Variants in SREBF2 observed in about 807,000 individuals in gnomAD.
SREBF2 encodes sterol regulatory element binding transcription factor 2, also known as sterol regulatory element-binding protein 2.
SREBF2 carries 55 observed loss-of-function variants against 113.1 expected under a neutral mutation model. The ratio of observed to expected loss-of-function variants is 0.49; its 90% CI spans 0.39 to 0.61. SREBF2 has a LOEUF of 0.61. SREBF2 is among the 20% of genes least tolerant of loss of function. SREBF2 has a pLI of 0.00. For synonymous variants in SREBF2, 593 were observed against 605.7 expected, an observed-to-expected ratio of 0.98 and a Z score of 0.31; for missense variants, 1,349 against 1,487.4, an observed-to-expected ratio of 0.91 and a Z score of 1.53.
In SREBF2 at chr22:41,905,505, C is replaced by T. The variant is rs376472964; in HGVS notation, c.3271C>T (p.Leu1091=). The change falls in exon 19 of 19, where the codon CTG becomes TTG. Residue 1091 remains leucine (L), a synonymous_variant. Coordinates refer to ENST00000361204, the MANE Select transcript of SREBF2 (RefSeq NM_004599.4). ...ATAILLACRH[L]PLSFLSSPGQ... ...CGCCATCCTGCTGGCCTGCCGCCAC[C>T]TGCCCCTCTCCTTCCTCTCCTCCCC... is the stretch of plus-strand genomic sequence containing the variant. 1 of 1,581,748 alleles carries T rather than the reference C, an allele frequency of 6.3e-7. No homozygotes were observed.
At chr22:41,877,543 A>C (rs2077207984) in intron 8 of SREBF2, 122 bp downstream of exon 8, 4 of 1,164,848 alleles carry the variant, frequency 3.4e-6, no homozygotes, top group Middle Eastern at 2.7e-4. Context: ...GTGGGCCCCC[A>C]CCTGCTTGCT....
rs145106629 is a variant in SREBF2, at chr22:41,865,482, G to A, written c.89-1349G>A. The stretch of plus-strand genomic sequence containing the variant: ...CAGTCATATGAAAAAGAAGGGAGTC[G>A]TGAGAGATGATGGGGTAGTTGTGGG... On this transcript the variant is annotated intron_variant, in intron 1 of 18. Transcript: ENST00000361204. Among the ~76,000 whole-genome samples the A allele has an allele frequency of 1.3e-3, 191 of 152,304 alleles. 1 individual carries two copies. Among genetic ancestry groups the A allele is most frequent in the African/African-American group, 4.4e-3 (183 of 41,560 alleles).
At chr22:41,875,285 A>C in intron 5 of SREBF2, 52 bp from the exon 6 acceptor site, 9 of 1,509,888 alleles carry the variant, frequency 6.0e-6, no homozygotes, top group Non-Finnish European at 8.3e-6. Context: ...TGCTCTTTTC[A>C]CACTGTAGCC....
rs533713575 is a variant in SREBF2, at chr22:41,854,408, C to G, written c.89-12423C>G. Among the ~76,000 whole-genome samples the G allele has an allele frequency of 5.0e-4, 76 of 151,432 alleles. 1 individual carries two copies. The highest frequency in any genetic ancestry group is 6.9e-3 in the Middle Eastern group (2 of 290). ...AACTCCTGACCTCAGGTGATCCACC[C>G]GCCTCGGCCTCCCAAAGTGCTGAGA... On this transcript the variant is annotated intron_variant, in intron 1 of 18. Transcript: ENST00000361204.
At chr22:41,848,330 G>A (rs184357092) in intron 1 of SREBF2, among the ~76,000 whole-genome samples, 48 of 152,016 alleles carry the variant, frequency 3.2e-4, no homozygotes, top group African/African-American at 1.0e-3. Context: ...CTCATGATCC[G>A]CCCACCGTGG....
intron 16 of SREBF2, among the ~76,000 whole-genome samples, chr22:41,901,239 C>A (rs1299372671): frequency 6.6e-6 from 1 of 152,166 alleles, no homozygotes; most frequent in African/African-American, 2.4e-5. Flanking sequence ...AGATTCTCAG[C>A]CACTCCCTGG....
At chr22:41,857,627 A>G (rs2076989684) in intron 1 of SREBF2, among the ~76,000 whole-genome samples, 1 of 152,214 alleles carries the variant, frequency 6.6e-6, no homozygotes, top group Non-Finnish European at 1.5e-5. Context: ...CTTTGCCAGT[A>G]AAAGAGTTCA....
intron 1 of SREBF2, among the ~76,000 whole-genome samples, chr22:41,853,118 C>A (rs1280883159): frequency 6.6e-6 from 1 of 152,150 alleles, no homozygotes; most frequent in Non-Finnish European, 1.5e-5. Flanking sequence ...CTCCTCAACC[C>A]CATGTAAACC....
At chr22:41,897,868 G>C (rs893650366) in intron 14 of SREBF2, among the ~76,000 whole-genome samples, 6 of 152,212 alleles carry the variant, frequency 3.9e-5, no homozygotes, top group Non-Finnish European at 8.8e-5. Context: ...GATCACTACT[G>C]TCATCATTTT....
At chr22:41,862,350 C>A (rs542238696) in intron 1 of SREBF2, among the ~76,000 whole-genome samples, 1 of 152,268 alleles carries the variant, frequency 6.6e-6, no homozygotes, top group East Asian at 1.9e-4. Flanking sequence ...GATACAGTTT[C>A]CTGGGGCCTC....
chr22:41,902,906 T>C, intron 16 of SREBF2, 64 bp from the exon 17 acceptor site: 2 of 1,536,856 alleles, frequency 1.3e-6, no homozygotes, highest in Non-Finnish European at 1.8e-6. Flanking sequence ...TGGTAGGTGC[T>C]AGGATCCTTG....
Position 41,880,813 on chromosome 22 carries a change from C to T in SREBF2, c.1859C>T (p.Ser620Phe). Residue 620 changes from serine (S) to phenylalanine (F), a missense_variant, in exon 10 of 19, where the codon TCC (serine) becomes TTC (phenylalanine). This residue lies in a region of SREBF2 where 699 missense variants were observed against 843.3 expected (regional missense o/e 0.83). Transcript: ENST00000361204. ...CGCCTGGACCTGGCCTGCAGCCTCT[C>T]CTGGAACGTGATCCGCTACAGCCTG... The part of the protein sequence containing the change: ...TSRLDLACSL[S>F]WNVIRYSLQK... The T allele has an allele frequency of 6.2e-7, 1 of 1,614,196 alleles. No homozygotes were observed. Among genetic ancestry groups the T allele is most frequent in the Non-Finnish European group, 8.5e-7 (1 of 1,180,038 alleles).
intron 16 of SREBF2, among the ~76,000 whole-genome samples, chr22:41,902,161 C>T (rs73165115): frequency 0.062 from 9,406 of 152,244 alleles, 318 homozygotes; most frequent in Non-Finnish European, 0.079. Context: ...TGAGGCTCAG[C>T]CTGAGGGAGT....
rs750339581 is a variant in SREBF2, at chr22:41,875,594, T to C, written c.1256T>C (p.Leu419Pro). ...LGSLVDNEVD[L>P]KIEDFNQNVL... is the part of the protein sequence containing the mutation. ...AGTCTGGTGGACAATGAGGTGGACC[T>C]GAAGATCGAGGACTTTAATCAGAAT... Residue 419 changes from leucine to proline, a missense_variant, in exon 7 of 19, where the codon CTG becomes CCG. Physicochemically the swap from Leu to Pro is moderately conservative, Grantham distance 98 (BLOSUM62 -3). This residue lies in a region of SREBF2 where 699 missense variants were observed against 843.3 expected (regional missense o/e 0.83). Transcript: ENST00000361204. 2 of 1,614,212 alleles carry C rather than the reference T, an allele frequency of 1.2e-6. No individual in the cohort carries two copies. The highest frequency in any genetic ancestry group is 8.5e-7 in the Non-Finnish European group (1 of 1,180,038).
At chr22:41,870,302 C>T (rs1249894498) in intron 3 of SREBF2, among the ~76,000 whole-genome samples, 2 of 152,280 alleles carry the variant, frequency 1.3e-5, no homozygotes, top group African/African-American at 2.4e-5. Context: ...CCACTGGCAC[C>T]ACCCTCTTGA....
intron 14 of SREBF2, 142 bp from the exon 15 acceptor site, chr22:41,898,507 T>C: frequency 1.9e-6 from 2 of 1,033,770 alleles, no homozygotes; most frequent in Non-Finnish European, 2.9e-6. Flanking sequence ...GAATCCTGGG[T>C]GTGGGAGCCC....
Position 41,833,428 on chromosome 22 carries a change from GC to G in SREBF2, c.88+71del, listed in dbSNP as rs2076732757. ...AGGGGTTACGGCGGCGCGCCCGGGT[GC>G]GCGTGCGCCCACCCCCCGACAGCCC... is the stretch of plus-strand genomic sequence containing the variant. On this transcript the variant is annotated intron_variant, in intron 1 of 18. Transcript: ENST00000361204. The surrounding 1 kb of genome is among the most constrained non-coding windows in gnomAD (Gnocchi z 4.1). 1 of 1,388,968 alleles carries G rather than the reference GC, an allele frequency of 7.2e-7. No individual in the cohort carries two copies. Among genetic ancestry groups the G allele is most frequent in the South Asian group, 1.3e-5 (1 of 78,494 alleles). The allele number at this position is 1,388,968 out of a possible 1,614,324, so 86.0% of individuals were successfully genotyped here.
intron 1 of SREBF2, among the ~76,000 whole-genome samples, chr22:41,861,878 G>C (rs2077030294): frequency 6.6e-6 from 1 of 151,196 alleles, no homozygotes; most frequent in Non-Finnish European, 1.5e-5. Flanking sequence ...AGCCGAGATT[G>C]CACCACTGCA....
chr22:41,840,869 C>T (rs146192849), intron 1 of SREBF2, among the ~76,000 whole-genome samples: 8 of 152,316 alleles, frequency 5.3e-5, no homozygotes, highest in African/African-American at 1.9e-4. Flanking sequence ...GTCCCCCTGC[C>T]ATCAGCCTCC....
Sources: gnomAD v4.1 joint callset for allele counts (sites outside exome capture counted in the v4.1 genomes callset) on GRCh38, gnomAD v4.1.1 for gene constraint, gnomAD v4.1.1 regional missense constraint, Gnocchi (gnomAD v3.1) non-coding constraint, MANE v1.5 for transcripts, NCBI Gene and HGNC (gene_info 2026-07-23, HGNC 2026-07-21) for gene names.